TEF: variants seen among roughly 807,000 people sequenced by gnomAD.
TEF encodes thyrotroph embryonic factor.
In TEF, 3 loss-of-function variants were observed where a neutral mutation model predicts 20.8. That is an observed-to-expected ratio of 0.14 (90% confidence interval 0.07 to 0.37). The LOEUF (loss-of-function observed/expected upper bound fraction) is 0.37, where lower values mean the gene tolerates loss of function less well. TEF is among the 10% of genes least tolerant of loss of function. The probability of loss-of-function intolerance (pLI) is 1.00; values close to 1 mark genes in which losing one functional copy is unlikely to be tolerated. For synonymous variants in TEF, 180 were observed against 171.1 expected, an observed-to-expected ratio of 1.05 and a Z score of -0.41; for missense variants, 296 against 397.9, an observed-to-expected ratio of 0.74 and a Z score of 2.18.
intron 1 of TEF, among the ~76,000 whole-genome samples, chr22:41,384,468 C>A (rs1469256269): frequency 6.6e-6 from 1 of 152,110 alleles, no homozygotes; most frequent in Non-Finnish European, 1.5e-5. Flanking sequence ...TCCTTCCTCC[C>A]AGAAAACCTG....
At chr22:41,369,348 C>A (rs2036854098) in intron 1 of TEF, 2 of 767,792 alleles carry the variant, frequency 2.6e-6, no homozygotes, top group Middle Eastern at 6.6e-4. Flanking sequence ...CACTGGCAAG[C>A]TGTGGCCGAG....
chr22:41,378,548 G>A (rs890744563), upstream of TEF, among the ~76,000 whole-genome samples: 1 of 152,030 alleles, frequency 6.6e-6, no homozygotes, highest in Non-Finnish European at 1.5e-5. Context: ...GGGTTTCACT[G>A]TCAGCCAGTA....
At chr22:41,392,614 C>T (rs960203105) in intron 2 of TEF, among the ~76,000 whole-genome samples, 4 of 131,284 alleles carry the variant, frequency 3.0e-5, no homozygotes, top group African/African-American at 1.2e-4. Context: ...GTCAAGGTTG[C>T]AGTGAGCTGA....
At chr22:41,381,875 A>C (rs1470226963), upstream of TEF, 1 of 1,224,410 alleles carries the variant, frequency 8.2e-7, no homozygotes, top group African/African-American at 1.6e-5. Context: ...TGAATAATTA[A>C]TGTGCCAGAG....
At chr22:41,379,651 G>C (rs182601705), upstream of TEF, among the ~76,000 whole-genome samples, 4 of 152,294 alleles carry the variant, frequency 2.6e-5, no homozygotes, top group Non-Finnish European at 5.9e-5. Flanking sequence ...GATCACCGGA[G>C]GTCAGGAGTT....
At position 41,396,596 on chromosome 22, in the gene TEF, C is replaced by T. The variant is rs1049610672; in HGVS notation, c.*636C>T. ...CAGCAGAAGTGTGCCCAGCGTTTCT[C>T]GGCTCCCGCACCCCTTTTCCCTTAT... On this transcript the variant is annotated 3_prime_UTR_variant, in exon 4 of 4. Coordinates refer to ENST00000266304, the MANE Select transcript of TEF (RefSeq NM_003216.4). 1.9e-5 allele frequency: 4 copies of T among 208,104 alleles called. No homozygotes were observed. Among genetic ancestry groups the T allele is most frequent in the Admixed American group, 1.2e-4 (2 of 16,860 alleles). 12.9% of individuals were successfully genotyped at this position (208,104 alleles called of 1,614,324 possible).
chr22:41,391,034 G>T (rs2037158762), intron 2 of TEF, among the ~76,000 whole-genome samples: 1 of 152,042 alleles, frequency 6.6e-6, no homozygotes, highest in Admixed American at 6.6e-5. Flanking sequence ...TGTCTTGCAG[G>T]TACTAGGTTT....
chr22:41,368,784 G>C (rs2036848738), intron 1 of TEF, among the ~76,000 whole-genome samples: 1 of 152,170 alleles, frequency 6.6e-6, no homozygotes, highest in African/African-American at 2.4e-5. Context: ...CACCCTCTGA[G>C]AAGAGTGTCA....
upstream of TEF, chr22:41,381,935 C>T: frequency 4.1e-6 from 5 of 1,226,086 alleles, no homozygotes; most frequent in Non-Finnish European, 5.1e-6. Context: ...CGCCATTGGG[C>T]GCCTGCGCAG....
chr22:41,387,570 C>G lies in TEF; in HGVS notation c.377C>G (p.Ala126Gly). ...HLAHNLLLPV[A>G]ELEGKESASS... ...GCCCACAACCTGCTGCTGCCTGTAG[C>G]AGAGCTAGAAGGGAAGGAGTCTGCC... The change falls in exon 2 of 4, where the codon GCA becomes GGA. Residue 126 changes from alanine to glycine, a missense_variant. Around this residue, in one of 2 missense-constraint regions of TEF, gnomAD observed 194 missense variants for 317.8 expected, o/e 0.61. Coordinates refer to ENST00000266304, the MANE Select transcript of TEF (RefSeq NM_003216.4). 6.2e-7 allele frequency: 1 copy of G among 1,614,220 alleles called. No individual in the cohort carries two copies. Among genetic ancestry groups the G allele is most frequent in the East Asian group, 2.2e-5 (1 of 44,892 alleles).
intron 1 of TEF, among the ~76,000 whole-genome samples, chr22:41,375,945 C>T (rs990176189): frequency 2.6e-5 from 4 of 152,030 alleles, no homozygotes; most frequent in African/African-American, 4.8e-5. Context: ...CACAGATAAC[C>T]GGGCTTTCTT....
upstream of TEF, among the ~76,000 whole-genome samples, chr22:41,379,903 AAAAAG>A (rs1569253519): frequency 1.4e-4 from 13 of 93,462 alleles, no homozygotes; most frequent in South Asian, 5.2e-3. Flanking sequence ...CAAAAAAAAA[AAAAAG>A]AAAAAAAGAA....
rs1392380362 is a variant in TEF at position 41,381,997 on chromosome 22, G to A, written c.-48G>A. 6 of 1,229,158 alleles carry A rather than the reference G, an allele frequency of 4.9e-6. No homozygotes were observed. In the Admixed American group the frequency reaches 2.5e-4, roughly 52 times the overall value. The allele number at this position is 1,229,158 out of a possible 1,614,324, so 76.1% of individuals were successfully genotyped here. ...GGGTCGCACGGCTCCGGCCCATCTC[G>A]GGGGGCGGGCGGGGGAGGCGAGGTG... On this transcript the variant is annotated 5_prime_UTR_variant, in exon 1 of 4. Coordinates refer to ENST00000266304, the MANE Select transcript of TEF (RefSeq NM_003216.4).
At chr22:41,384,108 A>G (rs542079008) in intron 1 of TEF, among the ~76,000 whole-genome samples, 1 of 152,348 alleles carries the variant, frequency 6.6e-6, no homozygotes, top group Non-Finnish European at 1.5e-5. Flanking sequence ...TGGACCAACA[A>G]GCTGCTATTT....
At chr22:41,371,891 G>A (rs1184806690) in intron 1 of TEF, among the ~76,000 whole-genome samples, 2 of 152,074 alleles carry the variant, frequency 1.3e-5, no homozygotes, top group African/African-American at 4.8e-5. Context: ...CAGAGGCAGG[G>A]GTACAGGAGG....
Position 41,395,807 on chromosome 22 carries a change from C to T in TEF, c.759C>T (p.Ala253=). 1 of 1,614,130 alleles carries T rather than the reference C, an allele frequency of 6.2e-7. No individual in the cohort carries two copies. The highest frequency in any genetic ancestry group is 8.5e-7 in the Non-Finnish European group (1 of 1,180,022). The change falls in exon 4 of 4, where the codon GCC becomes GCT. Residue 253 remains alanine, a synonymous_variant. Transcript: ENST00000266304. The part of the protein sequence containing the change: ...NNVAAKRSRD[A]RRLKENQITI... ...TGGCAGCTAAACGGTCACGGGATGC[C>T]CGGCGCCTGAAAGAGAATCAGATCA...
rs2037247773 is a variant in TEF at position 41,397,769 on chromosome 22, C to T, written c.*1809C>T. The T allele has an allele frequency of 6.6e-6, 1 of 152,240 alleles. No homozygotes were observed. The highest frequency in any genetic ancestry group is 2.4e-5 in the African/African-American group (1 of 41,462). The allele number at this position is 152,240 out of a possible 1,614,324, so 9.4% of individuals were successfully genotyped here. A position where few individuals can be genotyped will look rare whatever the true frequency, so the allele number is the denominator to read the frequency against. On this transcript the variant is annotated 3_prime_UTR_variant, in exon 4 of 4. Coordinates refer to ENST00000266304, the MANE Select transcript of TEF (RefSeq NM_003216.4). ...CGCATCCAGCATGTCAGTGTCCTGCCCCGGGCAGCTCTCCCTCCCGGGCAC... is the reference window on the plus strand; with the variant it reads ...CGCATCCAGCATGTCAGTGTCCTGCTCCGGGCAGCTCTCCCTCCCGGGCAC...
At chr22:41,367,495 G>A in exon 1 of TEF, 4 of 1,545,738 alleles carry the variant, frequency 2.6e-6, no homozygotes, top group Non-Finnish European at 3.5e-6. Flanking sequence ...CTCCTGCTGG[G>A]CTGTGTGAGC....
chr22:41,395,719 G>T, intron 3 of TEF, 26 bp from the exon 4 acceptor site: 1 of 1,606,132 alleles, frequency 6.2e-7, no homozygotes, highest in South Asian at 1.1e-5. Context: ...AAAGACGAGA[G>T]ACTCACAGAG....
Sources: allele counts gnomAD v4.1 joint callset (sites outside exome capture counted in the v4.1 genomes callset), GRCh38; gene constraint gnomAD v4.1.1; regional missense constraint gnomAD v4.1.1; transcripts MANE v1.5; gene names NCBI Gene and HGNC (gene_info 2026-07-23, HGNC 2026-07-21).